KCNQ5: variants seen among roughly 807,000 people sequenced by gnomAD.
KCNQ5 encodes the protein potassium voltage-gated channel subfamily KQT member 5.
KCNQ5 carries 30 observed loss-of-function variants against 98.2 expected under a neutral mutation model. The observed-to-expected ratio is 0.31, with a 90% CI of 0.23 to 0.41. KCNQ5 has a LOEUF of 0.41. KCNQ5 is among the 10% of genes least tolerant of loss of function. The probability of loss-of-function intolerance (pLI) is 1.00; values close to 1 mark genes in which losing one functional copy is unlikely to be tolerated. For synonymous variants in KCNQ5, 458 were observed against 449.4 expected (o/e 1.02, Z -0.24); for missense variants, 835 against 1,182.5 (o/e 0.71, Z 4.31).
rs1778457661 is a variant in KCNQ5, at chr6:73,183,119, A to G, written c.1578-7454A>G. On this transcript the variant is annotated intron_variant, in intron 11 of 13. Coordinates refer to ENST00000370398, the MANE Select transcript of KCNQ5 (RefSeq NM_019842.4). ...TTGGATTCATTTGTGTGAGAATGTC[A>G]GAGCATACAAGGCAGAGTAGGAGGT... is the stretch of plus-strand genomic sequence containing the variant. 2.0e-5 allele frequency among the ~76,000 whole-genome samples: 3 copies of G among 152,218 alleles called. No individual in the cohort carries two copies. The South Asian group carries it at 6.2e-4, about 32-fold the overall frequency.
At chr6:72,787,063 A>G (rs964636866) in intron 1 of KCNQ5, among the ~76,000 whole-genome samples, 1 of 151,416 alleles carries the variant, frequency 6.6e-6, no homozygotes, top group Non-Finnish European at 1.5e-5. Flanking sequence ...GTGATGAAAC[A>G]TGTCTGTGCA....
At chr6:72,647,779 A>G (rs1765674157) in intron 1 of KCNQ5, among the ~76,000 whole-genome samples, 1 of 152,028 alleles carries the variant, frequency 6.6e-6, no homozygotes, top group Non-Finnish European at 1.5e-5. Context: ...TATGGGAATG[A>G]CTCCCCCATT....
At chr6:72,830,230 C>A (rs1776188780) in intron 1 of KCNQ5, among the ~76,000 whole-genome samples, 1 of 152,114 alleles carries the variant, frequency 6.6e-6, no homozygotes, top group African/African-American at 2.4e-5. Context: ...TTGGAAAAAA[C>A]TACTTTAAAG....
At chr6:73,058,188 G>A (rs1277745178) in intron 3 of KCNQ5, among the ~76,000 whole-genome samples, 5 of 152,126 alleles carry the variant, frequency 3.3e-5, no homozygotes, top group East Asian at 1.9e-4. Flanking sequence ...CGAGGCAGGC[G>A]GATCACGAGG....
intron 1 of KCNQ5, among the ~76,000 whole-genome samples, chr6:72,843,272 T>C (rs1360978267): frequency 6.6e-6 from 1 of 152,208 alleles, no homozygotes; most frequent in Non-Finnish European, 1.5e-5. Flanking sequence ...TTGTCAGGTT[T>C]GTCAAAGATC....
At chr6:72,799,206 G>A (rs1774504585) in intron 1 of KCNQ5, among the ~76,000 whole-genome samples, 1 of 152,132 alleles carries the variant, frequency 6.6e-6, no homozygotes, top group Non-Finnish European at 1.5e-5. Flanking sequence ...GGAAACTCAG[G>A]CAGGAGCTGA....
intron 1 of KCNQ5, among the ~76,000 whole-genome samples, chr6:73,002,707 A>G (rs185709037): frequency 2.6e-4 from 40 of 152,228 alleles, no homozygotes; most frequent in Admixed American, 1.3e-3. Context: ...TGTTATAACT[A>G]CTCAGTTCTG....
intron 1 of KCNQ5, among the ~76,000 whole-genome samples, chr6:72,735,990 T>C (rs1770809112): frequency 1.3e-5 from 2 of 152,096 alleles, no homozygotes; most frequent in Non-Finnish European, 1.5e-5. Context: ...CAAAACTGGA[T>C]ATTTATTTTA....
chr6:72,780,476 C>A (rs1773405896), intron 1 of KCNQ5, among the ~76,000 whole-genome samples: 1 of 152,200 alleles, frequency 6.6e-6, no homozygotes, highest in Non-Finnish European at 1.5e-5. Flanking sequence ...GGGCTGGCAT[C>A]TGAGCACTGA....
rs1305288593 is a variant in KCNQ5, at chr6:72,694,935, T to C, written c.398+72348T>C. ...GTACCCAATGTTTAGCTCCCACTTA[T>C]AAGTCTCACGGAGAGCTTTTGTGGT... On this transcript the variant is annotated intron_variant, in intron 1 of 13. Coordinates refer to ENST00000370398, the MANE Select transcript of KCNQ5 (RefSeq NM_019842.4). Among the ~76,000 whole-genome samples, 5 of 124,058 alleles carry C rather than the reference T, an allele frequency of 4.0e-5. No homozygotes were observed. In the East Asian group the frequency reaches 1.2e-3, roughly 29 times the overall value. 81.4% of individuals were successfully genotyped at this position (124,058 alleles called of 152,430 possible).
At chr6:72,994,669 C>T (rs1374360718) in intron 1 of KCNQ5, among the ~76,000 whole-genome samples, 1 of 152,046 alleles carries the variant, frequency 6.6e-6, no homozygotes, top group Non-Finnish European at 1.5e-5. Flanking sequence ...CCTATTCGGC[C>T]ATCTTGGCTC....
At chr6:72,771,916 G>T (rs1164890009) in intron 1 of KCNQ5, among the ~76,000 whole-genome samples, 1 of 151,994 alleles carries the variant, frequency 6.6e-6, no homozygotes, top group Non-Finnish European at 1.5e-5. Flanking sequence ...CAAGGACCTC[G>T]TGAAGCCCTA....
At chr6:72,644,141 TG>T (rs1469709615) in intron 1 of KCNQ5, among the ~76,000 whole-genome samples, 2 of 152,212 alleles carry the variant, frequency 1.3e-5, no homozygotes, top group Non-Finnish European at 2.9e-5. Flanking sequence ...CTGCAAATAC[TG>T]AATTAGCAAA....
chr6:73,124,495 A>C lies in KCNQ5; in HGVS notation c.1230A>C (p.Gln410His), dbSNP rs1347324830. The change falls in exon 9 of 14, where the codon CAA becomes CAC. Residue 410 changes from glutamine to histidine, a missense_variant. Around this residue, in one of 10 missense-constraint regions of KCNQ5, gnomAD observed 146 missense variants for 256.7 expected, o/e 0.57. Coordinates refer to ENST00000370398, the MANE Select transcript of KCNQ5 (RefSeq NM_019842.4). ...CTGCACGCACCTGAAGGAAAGAACA[A>C]GGGGAAGCATCAAGCAGGTTTGTGA... is the stretch of plus-strand genomic sequence containing the variant. The part of the protein sequence containing the change: ...LHTCSPTKKE[Q>H]GEASSSQKLS... 6.2e-7 allele frequency: 1 copy of C among 1,613,564 alleles called. No homozygotes were observed.
intron 1 of KCNQ5, among the ~76,000 whole-genome samples, chr6:72,756,559 A>G (rs74474165): frequency 0.039 from 5,960 of 152,220 alleles, 370 homozygotes; most frequent in African/African-American, 0.13. Context: ...GTTTTTAGAC[A>G]TTATTTGTCA....
At chr6:72,947,804 A>G (rs1766615715) in intron 1 of KCNQ5, among the ~76,000 whole-genome samples, 1 of 152,168 alleles carries the variant, frequency 6.6e-6, no homozygotes, top group Non-Finnish European at 1.5e-5. Context: ...GCCAAAGAGG[A>G]CATATCTATT....
At chr6:72,960,426 T>A (rs1204179648) in intron 1 of KCNQ5, among the ~76,000 whole-genome samples, 10 of 152,104 alleles carry the variant, frequency 6.6e-5, no homozygotes, top group Admixed American at 6.6e-4. Context: ...GTTGTTGTTG[T>A]TTTGTTTTGT....
At chr6:72,864,404 G>C (rs1039917944) in intron 1 of KCNQ5, among the ~76,000 whole-genome samples, 1 of 152,082 alleles carries the variant, frequency 6.6e-6, no homozygotes, top group African/African-American at 2.4e-5. Flanking sequence ...GTTCCAAAAC[G>C]GCAAACTCTT....
At chr6:72,780,247 G>A (rs796775097) in intron 1 of KCNQ5, among the ~76,000 whole-genome samples, 15 of 152,130 alleles carry the variant, frequency 9.9e-5, no homozygotes, top group East Asian at 3.9e-4. Context: ...AGGCCTGTCC[G>A]ACTCCAAGCC....
Sources: gnomAD v4.1 joint callset for allele counts (sites outside exome capture counted in the v4.1 genomes callset) on GRCh38, gnomAD v4.1.1 for gene constraint, gnomAD v4.1.1 regional missense constraint, MANE v1.5 for transcripts, NCBI Gene and HGNC (gene_info 2026-07-23, HGNC 2026-07-21) for gene names.